LRIF1: variants seen among roughly 807,000 people sequenced by gnomAD.
LRIF1 encodes ligand-dependent nuclear receptor-interacting factor 1.
In LRIF1, 32 loss-of-function variants were observed where a neutral mutation model predicts 52.7. That is an observed-to-expected ratio of 0.61 (90% CI 0.46 to 0.82). LRIF1 has a LOEUF of 0.82. Among genes scored for constraint, LRIF1 ranks in the 40% least tolerant of loss-of-function variants. The pLI, the probability that LRIF1 is intolerant of heterozygous loss-of-function variation, is 0.00. For synonymous variants in LRIF1, 323 were observed against 317.4 expected (o/e 1.02, Z -0.19); for missense variants, 887 against 892.0 (o/e 0.99, Z 0.07).
intron 1 of LRIF1, among the ~76,000 whole-genome samples, chr1:110,953,360 C>A (rs1026377693): frequency 1.3e-5 from 2 of 152,202 alleles, no homozygotes; most frequent in African/African-American, 4.8e-5. Flanking sequence ...ATAGATTTCA[C>A]TGAACTGTTT....
the LRIF1 span, chr1:110,899,334 C>CACTTCTCTGGTTGTAT: frequency 1.6e-6 from 1 of 607,108 alleles, no homozygotes; most frequent in South Asian, 2.0e-5. Context: ...CTTATACAAC[C>CACTTCTCTGGTTGTAT]AGAGAAGTGG....
intron 3 of LRIF1, among the ~76,000 whole-genome samples, chr1:110,949,513 G>C (rs993864702): frequency 1.3e-5 from 2 of 150,944 alleles, no homozygotes; most frequent in African/African-American, 4.9e-5. Flanking sequence ...TCCGCCTCCC[G>C]GGTTCAAGTG....
At chr1:110,884,308 A>G in the LRIF1 span, among the ~76,000 whole-genome samples, 3 of 152,104 alleles carry the variant, frequency 2.0e-5, no homozygotes, top group Admixed American at 6.5e-5. Flanking sequence ...CAATTTGAGG[A>G]AACTTTCTAG....
chr1:110,950,234 T>C (rs1658408495), intron 2 of LRIF1, 111 bp from the exon 3 acceptor site: 1 of 1,329,712 alleles, frequency 7.5e-7, no homozygotes. Flanking sequence ...TCATGCTTTA[T>C]GATTGGTTTG....
chr1:110,889,555 CAAATAAATAAAT>C, the LRIF1 span, among the ~76,000 whole-genome samples: 5 of 146,236 alleles, frequency 3.4e-5, no homozygotes, highest in South Asian at 2.2e-4. Context: ...AAAACTCCGT[CAAATAAATAAAT>C]AAATAAATAA....
chr1:110,952,622 A>G lies in LRIF1; in HGVS notation c.262T>C (p.Ser88Pro). The G allele has an allele frequency of 1.9e-6, 3 of 1,614,108 alleles. No individual in the cohort carries two copies. The highest frequency in any genetic ancestry group is 2.5e-6 in the Non-Finnish European group (3 of 1,179,970). ...VTFQTQISSSSTSASVQLPIF... is the reference protein window; with the variant it reads ...VTFQTQISSSPTSASVQLPIF... ...GGCAATTGAACTGATGCACTTGTGG[A>G]AGAGCTGGAAATCTGAGTCTGAAAA... The change falls in exon 2 of 4, where the codon TCC (serine) becomes CCC (proline). Residue 88 changes from serine (S) to proline (P), a missense_variant. Transcript: ENST00000369763.
chr1:110,948,312 T>C lies in LRIF1; in HGVS notation c.1957A>G (p.Ile653Val), dbSNP rs371134004. The change falls in exon 4 of 4, where the codon ATC becomes GTC. Residue 653 changes from isoleucine (I) to valine (V), a missense_variant. Physicochemically the swap from Ile to Val is conservative, Grantham distance 29 (BLOSUM62 3). Coordinates refer to ENST00000369763, the MANE Select transcript of LRIF1 (RefSeq NM_018372.4). The part of the protein sequence containing the change: ...KRKTENAYNA[I>V]INGEANVTGS... ...GTGACATTAGCTTCCCCATTTATGA[T>C]TGCGTTATAAGCATTCTCTGTTTTT... 1.9e-5 allele frequency: 30 copies of C among 1,614,034 alleles called. No homozygotes were observed. The highest frequency in any genetic ancestry group is 5.0e-5 in the Admixed American group (3 of 60,010).
the LRIF1 span, among the ~76,000 whole-genome samples, chr1:110,923,689 A>G: frequency 6.6e-6 from 1 of 152,194 alleles, no homozygotes; most frequent in Non-Finnish European, 1.5e-5. Flanking sequence ...ATTGAGAGAT[A>G]GTGGCCAAAA....
rs538584735 is a variant in LRIF1 at position 110,952,218 on chromosome 1, C to T, written c.666G>A (p.Glu222=). ...TATTSTSGMV[E]ASQMPTVIYV... ...AAATAACGGTTGGCATTTGGGAGGC[C>T]TCAACCATTCCTGAGGTACTGGTGG... Residue 222 remains glutamate, a synonymous_variant, in exon 2 of 4, where the codon GAG becomes GAA. Transcript: ENST00000369763. The T allele has an allele frequency of 6.2e-7, 1 of 1,614,136 alleles. No individual in the cohort carries two copies. Among genetic ancestry groups the T allele is most frequent in the Non-Finnish European group, 8.5e-7 (1 of 1,180,042 alleles).
At chr1:110,881,234 T>C in the LRIF1 span, among the ~76,000 whole-genome samples, 1 of 152,102 alleles carries the variant, frequency 6.6e-6, no homozygotes, top group African/African-American at 2.4e-5. Flanking sequence ...CCTTCCCTGC[T>C]CCCTCTCTAC....
At chr1:110,930,419 G>A in the LRIF1 span, among the ~76,000 whole-genome samples, 2 of 152,116 alleles carry the variant, frequency 1.3e-5, no homozygotes, top group South Asian at 2.1e-4. Context: ...CAGCTGATCC[G>A]TTTGTGGTGA....
chr1:110,951,030 A>ATT (rs1481097937), intron 2 of LRIF1, among the ~76,000 whole-genome samples: 1 of 152,032 alleles, frequency 6.6e-6, no homozygotes, highest in East Asian at 1.9e-4. Flanking sequence ...TGCTCTGTGA[A>ATT]TTTTTTGTTT....
At chr1:110,899,277 A>G in the LRIF1 span, 1 of 965,498 alleles carries the variant, frequency 1.0e-6, no homozygotes, top group Non-Finnish European at 1.6e-6. Flanking sequence ...CTACATGATC[A>G]CTGCAGGATG....
chr1:110,923,163 G>C, the LRIF1 span, among the ~76,000 whole-genome samples: 1 of 152,142 alleles, frequency 6.6e-6, no homozygotes, highest in South Asian at 2.1e-4. Context: ...AGCCGGGTGT[G>C]GTGGTGCACA....
the LRIF1 span, among the ~76,000 whole-genome samples, chr1:110,922,489 T>C: frequency 6.6e-6 from 1 of 152,134 alleles, no homozygotes; most frequent in Non-Finnish European, 1.5e-5. Flanking sequence ...TATTCTGTTA[T>C]AGCAGCACAA....
At chr1:110,962,147 C>T (rs1658985051) in intron 1 of LRIF1, among the ~76,000 whole-genome samples, 1 of 150,502 alleles carries the variant, frequency 6.6e-6, no homozygotes, top group East Asian at 1.9e-4. Flanking sequence ...AATCCTAAAA[C>T]AAATTTTCTA....
chr1:110,951,773 CCT>C lies in LRIF1; in HGVS notation c.1109_1110del (p.Lys370ArgfsTer10), dbSNP rs1419271758. On this transcript the variant is annotated frameshift_variant, in exon 2 of 4. Transcript: ENST00000369763. LOFTEE classifies it high-confidence loss of function. ...ATTTGTGATGGCAGAACATCTGTCCCCTTTTTAGCCAACAGATAGACTTTCCC... is the reference window on the plus strand; with the variant it reads ...ATTTGTGATGGCAGAACATCTGTCCCTTTTAGCCAACAGATAGACTTTCCC... ...FNGKVYLLAKKGTDVLPSQID... is the reference protein window; with the variant it reads ...FNGKVYLLAKXGTDVLPSQID... The C allele has an allele frequency of 1.2e-6, 2 of 1,612,646 alleles. No individual in the cohort carries two copies.
rs552506158 is a variant in LRIF1, at chr1:110,958,296, T to C, written c.68+5325A>G. On this transcript the variant is annotated intron_variant, in intron 1 of 3. Coordinates refer to ENST00000369763, the MANE Select transcript of LRIF1 (RefSeq NM_018372.4). ...TTATTATTTTTCTTCTCCAACAATA[T>C]AAAATTAGTTTCCAATTCTATCTTT... Among the ~76,000 whole-genome samples the C allele has an allele frequency of 9.2e-5, 14 of 152,338 alleles. No individual in the cohort carries two copies. The South Asian group carries it at 2.1e-3, about 23-fold the overall frequency.
the LRIF1 span, among the ~76,000 whole-genome samples, chr1:110,930,550 A>G: frequency 6.6e-6 from 1 of 152,072 alleles, no homozygotes; most frequent in East Asian, 1.9e-4. Context: ...GCCCTTTCTT[A>G]TAAGGACTCT....
Sources: allele counts gnomAD v4.1 joint callset (sites outside exome capture counted in the v4.1 genomes callset), GRCh38; gene constraint gnomAD v4.1.1; transcripts MANE v1.5; gene names NCBI Gene and HGNC (gene_info 2026-07-23, HGNC 2026-07-21).